The following HSPB7 variants were observed in gnomAD, a reference collection of about 807,000 sequenced individuals.
The protein encoded by HSPB7 is heat shock protein family B (small) member 7.
A neutral mutation model predicts 11.0 loss-of-function variants in HSPB7; 9 were observed. The ratio of observed to expected loss-of-function variants is 0.82; its 90% CI spans 0.49 to 1.43. The LOEUF (loss-of-function observed/expected upper bound fraction) is 1.43. Among genes scored for constraint, HSPB7 ranks in the 40% most tolerant of loss-of-function variants. The pLI is 0.00. For missense variants in HSPB7, 246 were observed against 243.9 expected (o/e 1.01, Z -0.06); for synonymous variants, 102 against 101.6 (o/e 1.00, Z -0.02).
chr1:16,018,100 G>A, upstream of HSPB7: 1 of 1,559,836 alleles, frequency 6.4e-7, no homozygotes, highest in Non-Finnish European at 8.7e-7. Context: ...CTTGGGGCCA[G>A]CCCCTTGTCT....
Position 16,017,991 on chromosome 1 carries a change from GC to G in HSPB7, c.-29del, listed in dbSNP as rs775324200. On this transcript the variant is annotated 5_prime_UTR_variant, in exon 1 of 3. Coordinates refer to ENST00000311890, the MANE Select transcript of HSPB7 (RefSeq NM_014424.5). ...ACGGACGGCGCCGGGCCCTGCCCAGGCGGGCGAGGGCTGGACAGGAGAGGGT... is the reference window on the plus strand; with the variant it reads ...ACGGACGGCGCCGGGCCCTGCCCAGGGGGCGAGGGCTGGACAGGAGAGGGT... The G allele has an allele frequency of 2.5e-6, 4 of 1,612,386 alleles. No homozygotes were observed. The Admixed American group carries it at 5.0e-5, about 20-fold the overall frequency.
intron 1 of HSPB7, 166 bp from the exon 2 acceptor site, chr1:16,017,373 G>C (rs1170369302): frequency 1.2e-6 from 1 of 841,126 alleles, no homozygotes; most frequent in African/African-American, 1.7e-5. Flanking sequence ...CCTTTTCTGG[G>C]GTGGGGGTGG....
chr1:16,015,405 GGCCT>G lies in HSPB7; in HGVS notation c.*171_*174del. On this transcript the variant is annotated 3_prime_UTR_variant, in exon 3 of 3. Transcript: ENST00000311890. The surrounding 1 kb of genome is among the most constrained non-coding windows in gnomAD (Gnocchi z 4.9). ...TCATGTGTCAGGCCAGGGAGTCCCTGGCCTGCCCTGGATAGAGTGGAGGGCCCTA... is the reference window on the plus strand; with the variant it reads ...TCATGTGTCAGGCCAGGGAGTCCCTGGCCCTGGATAGAGTGGAGGGCCCTA... The G allele has an allele frequency of 1.7e-6, 1 of 601,462 alleles. No individual in the cohort carries two copies. The allele number at this position is 601,462 out of a possible 1,614,324, so 37.3% of individuals were successfully genotyped here.
At chr1:16,018,963 G>T, upstream of HSPB7, 1 of 1,011,810 alleles carries the variant, frequency 9.9e-7, no homozygotes, top group Non-Finnish European at 1.4e-6. Flanking sequence ...AAAGGGCGGG[G>T]CTCGCAGTTG....
upstream of HSPB7, chr1:16,019,074 C>G (rs1043095263): frequency 5.0e-6 from 7 of 1,402,920 alleles, no homozygotes; most frequent in Non-Finnish European, 6.7e-6. Flanking sequence ...CAGGCTGGCC[C>G]GGAAGAGCCA....
intron 2 of HSPB7, among the ~76,000 whole-genome samples, chr1:16,016,759 T>C (rs1739843): frequency 0.62 from 93,119 of 151,412 alleles, 29,152 homozygotes; most frequent in East Asian, 0.78. Flanking sequence ...ACACCTGTCA[T>C]CTCCCACCCT....
chr1:16,019,098 C>G, upstream of HSPB7: 1 of 1,505,514 alleles, frequency 6.6e-7, no homozygotes. Context: ...AAGCCCCTCC[C>G]TACCCACCTG....
In HSPB7 at chr1:16,015,390, G is replaced by T. The variant is rs2021627528; in HGVS notation, c.*190C>A. The T allele has an allele frequency of 6.9e-6, 4 of 582,038 alleles. No homozygotes were observed. The highest frequency in any genetic ancestry group is 1.2e-5 in the Non-Finnish European group (4 of 328,318). 36.1% of individuals were successfully genotyped at this position (582,038 alleles called of 1,614,324 possible). A position where few individuals can be genotyped will look rare whatever the true frequency, so the allele number is the denominator to read the frequency against. ...TCTGAAATCTGGGCATCATGTGTCAGGCCAGGGAGTCCCTGGCCTGCCCTG... is the reference window on the plus strand; with the variant it reads ...TCTGAAATCTGGGCATCATGTGTCATGCCAGGGAGTCCCTGGCCTGCCCTG... On this transcript the variant is annotated 3_prime_UTR_variant, in exon 3 of 3. Transcript: ENST00000311890. The surrounding 1 kb of genome is among the most constrained non-coding windows in gnomAD (Gnocchi z 4.9).
chr1:16,015,449 T>A lies in HSPB7; in HGVS notation c.*131A>T. 1 of 815,902 alleles carries A rather than the reference T, an allele frequency of 1.2e-6. No homozygotes were observed. Among genetic ancestry groups the A allele is most frequent in the Non-Finnish European group, 2.0e-6 (1 of 508,348 alleles). The allele number at this position is 815,902 out of a possible 1,614,324, so 50.5% of individuals were successfully genotyped here. A position where few individuals can be genotyped will look rare whatever the true frequency, so the allele number is the denominator to read the frequency against. On this transcript the variant is annotated 3_prime_UTR_variant, in exon 3 of 3. Coordinates refer to ENST00000311890, the MANE Select transcript of HSPB7 (RefSeq NM_014424.5). This position sits in a 1 kb window ranked among gnomAD's most constrained non-coding sequence, Gnocchi z 4.9. ...GGAGGGCCCTAGTTTGGGAGGATGG[T>A]CCACCTGGGGTCTGGGGTGCGTGGG...
Position 16,014,990 on chromosome 1 carries a change from G to A in HSPB7, c.*590C>T, listed in dbSNP as rs1234780369. On this transcript the variant is annotated 3_prime_UTR_variant, in exon 3 of 3. Coordinates refer to ENST00000311890, the MANE Select transcript of HSPB7 (RefSeq NM_014424.5). ...TGGCTCTGCCCTGGCACAGCCAGCT[G>A]GCTGGGGGCACGGGGTGGGCAGGCA... is the stretch of plus-strand genomic sequence containing the variant. 6.5e-6 allele frequency: 1 copy of A among 154,714 alleles called. No individual in the cohort carries two copies. Among genetic ancestry groups the A allele is most frequent in the African/African-American group, 2.4e-5 (1 of 41,470 alleles). The allele number at this position is 154,714 out of a possible 1,614,324, so 9.6% of individuals were successfully genotyped here. A position where few individuals can be genotyped will look rare whatever the true frequency, so the allele number is the denominator to read the frequency against.
upstream of HSPB7, chr1:16,018,185 G>T: frequency 6.6e-7 from 1 of 1,520,430 alleles, no homozygotes; most frequent in East Asian, 2.6e-5. Flanking sequence ...CCTGCTGACA[G>T]CCCGACACGC....
At chr1:16,018,331 A>G, upstream of HSPB7, 1 of 1,251,190 alleles carries the variant, frequency 8.0e-7, no homozygotes. Flanking sequence ...GAACCTTGCA[A>G]GTTTGGGGTT....
intron 1 of HSPB7, 125 bp downstream of exon 1, chr1:16,017,640 C>T (rs938752846): frequency 7.8e-6 from 6 of 770,708 alleles, no homozygotes; most frequent in Non-Finnish European, 1.1e-5. Context: ...GGTGGCCACA[C>T]ATGGCTGCAG....
At position 16,014,992 on chromosome 1, in the gene HSPB7, C is replaced by T. The variant is rs962966981; in HGVS notation, c.*588G>A. 5.2e-5 allele frequency: 8 copies of T among 153,792 alleles called. No individual in the cohort carries two copies. Among genetic ancestry groups the T allele is most frequent in the Admixed American group, 3.8e-4 (6 of 15,698 alleles). The allele number at this position is 153,792 out of a possible 1,614,324, so 9.5% of individuals were successfully genotyped here. Reference sequence around the variant, plus strand: ...GCTCTGCCCTGGCACAGCCAGCTGGCTGGGGGCACGGGGTGGGCAGGCAGC... The same window carrying T: ...GCTCTGCCCTGGCACAGCCAGCTGGTTGGGGGCACGGGGTGGGCAGGCAGC... On this transcript the variant is annotated 3_prime_UTR_variant, in exon 3 of 3. Transcript: ENST00000311890.
chr1:16,015,230 T>G lies in HSPB7; in HGVS notation c.*350A>C. The G allele has an allele frequency of 8.7e-6, 2 of 228,640 alleles. No individual in the cohort carries two copies. Among genetic ancestry groups the G allele is most frequent in the Non-Finnish European group, 1.7e-5 (2 of 115,288 alleles). 14.2% of individuals were successfully genotyped at this position (228,640 alleles called of 1,614,324 possible). A position where few individuals can be genotyped will look rare whatever the true frequency, so the allele number is the denominator to read the frequency against. ...TGCAGAGACTTCATAGATCAGAGGG[T>G]TTGTCTGTCTGTCTGTCCTGCAGAG... On this transcript the variant is annotated 3_prime_UTR_variant, in exon 3 of 3. Transcript: ENST00000311890. This position sits in a 1 kb window ranked among gnomAD's most constrained non-coding sequence, Gnocchi z 4.9.
In HSPB7 at chr1:16,017,959, C is replaced by T; in HGVS notation, c.5G>A (p.Ser2Asn). 1 of 1,613,224 alleles carries T rather than the reference C, an allele frequency of 6.2e-7. No individual in the cohort carries two copies. MSHRTSSTFRAE... is the reference protein window; with the variant it reads MNHRTSSTFRAE... ...TCGGAAGGTGGAAGAGGTTCTGTGG[C>T]TCATCCACGGACGGCGCCGGGCCCT... The change falls in exon 1 of 3, where the codon AGC becomes AAC. Residue 2 changes from serine (S) to asparagine (N), a missense_variant. Physicochemically the swap from Ser to Asn is conservative, Grantham distance 46. Coordinates refer to ENST00000311890, the MANE Select transcript of HSPB7 (RefSeq NM_014424.5).
chr1:16,015,676 C>G lies in HSPB7; in HGVS notation c.417G>C (p.Ser139=), dbSNP rs768245961. The G allele has an allele frequency of 6.2e-7, 1 of 1,613,472 alleles. No homozygotes were observed. The highest frequency in any genetic ancestry group is 1.3e-5 in the African/African-American group (1 of 75,026). The part of the protein sequence containing the change: ...PEDVDPTSVT[S]ALREDGSLTI... ...TGAGGCTGCCGTCCTCCCGCAGAGC[C>G]GAGGTCACCGACGTCGGGTCCACGT... The change falls in exon 3 of 3, where the codon TCG becomes TCC. Residue 139 remains serine (S), a synonymous_variant. Transcript: ENST00000311890. The surrounding 1 kb of genome is among the most constrained non-coding windows in gnomAD (Gnocchi z 4.9).
At chr1:16,018,332 G>C (rs1056207), upstream of HSPB7, 1 of 1,247,162 alleles carries the variant, frequency 8.0e-7, no homozygotes, top group Non-Finnish European at 1.0e-6. Context: ...AACCTTGCAA[G>C]TTTGGGGTTT....
chr1:16,017,440 C>T, intron 1 of HSPB7: 2 of 599,568 alleles, frequency 3.3e-6, no homozygotes, highest in Non-Finnish European at 5.8e-6. Context: ...CAACCCCACC[C>T]CAGGCCTGGA....
Sources: allele counts gnomAD v4.1 joint callset (sites outside exome capture counted in the v4.1 genomes callset), GRCh38; gene constraint gnomAD v4.1.1; non-coding constraint Gnocchi (gnomAD v3.1); transcripts MANE v1.5; gene names NCBI Gene and HGNC (gene_info 2026-07-23, HGNC 2026-07-21).